PIAS1: variants seen among roughly 807,000 people sequenced by gnomAD.
The protein encoded by PIAS1 is E3 SUMO-protein ligase PIAS1.
PIAS1 carries 6 observed loss-of-function variants against 71.3 expected under a neutral mutation model. The observed-to-expected ratio is 0.08, with a 90% CI of 0.05 to 0.17. The LOEUF is 0.17. Ranked by LOEUF, PIAS1 falls within the 10% of genes least tolerant of loss-of-function variation. PIAS1 has a pLI of 1.00. For synonymous variants in PIAS1, 303 were observed against 292.9 expected, an observed-to-expected ratio of 1.03 and a Z score of -0.35; for missense variants, 555 against 793.6, an observed-to-expected ratio of 0.70 and a Z score of 3.61.
intron 7 of PIAS1, among the ~76,000 whole-genome samples, chr15:68,157,827 C>T (rs1254053909): frequency 6.6e-6 from 1 of 152,138 alleles, no homozygotes; most frequent in Non-Finnish European, 1.5e-5. Context: ...TAGCTAACTA[C>T]CTTCACCTAA....
intron 2 of PIAS1, among the ~76,000 whole-genome samples, chr15:68,120,545 G>A (rs1024937796): frequency 3.9e-5 from 6 of 151,920 alleles, no homozygotes; most frequent in Non-Finnish European, 7.4e-5. Context: ...TCTTTAATTC[G>A]TCACGACCCT....
intron 2 of PIAS1, among the ~76,000 whole-genome samples, chr15:68,101,058 C>T (rs1358090228): frequency 6.6e-6 from 1 of 152,002 alleles, no homozygotes; most frequent in Non-Finnish European, 1.5e-5. Context: ...GCCACCACAC[C>T]TGGCTAATTC....
Position 68,175,769 on chromosome 15 carries a change from T to C in PIAS1, c.1300+2T>C. On this transcript the variant is annotated splice_donor_variant, in intron 10 of 13. Coordinates refer to ENST00000249636, the MANE Select transcript of PIAS1 (RefSeq NM_016166.3). LOFTEE classifies it high-confidence loss of function. ...CTGCCTCTTACAATGGAGTCGATGG[T>C]GAGTAGTTCTTCACAAGGAAGAGGC... 1 of 1,597,282 alleles carries C rather than the reference T, an allele frequency of 6.3e-7. No individual in the cohort carries two copies. The highest frequency in any genetic ancestry group is 1.1e-5 in the South Asian group (1 of 88,268).
At chr15:68,177,118 A>G (rs1224964862) in intron 11 of PIAS1, among the ~76,000 whole-genome samples, 1 of 151,852 alleles carries the variant, frequency 6.6e-6, no homozygotes, top group South Asian at 2.1e-4. Flanking sequence ...CATCTCTACT[A>G]AAATACAAAA....
chr15:68,123,345 C>T (rs778533057), intron 2 of PIAS1, among the ~76,000 whole-genome samples: 1 of 152,196 alleles, frequency 6.6e-6, no homozygotes, highest in Non-Finnish European at 1.5e-5. Context: ...AGCCACCACA[C>T]CTGTCCCAAA....
intron 8 of PIAS1, among the ~76,000 whole-genome samples, chr15:68,168,147 T>C (rs2092968544): frequency 6.6e-6 from 1 of 152,034 alleles, no homozygotes; most frequent in East Asian, 1.9e-4. Context: ...TAGCTGGTAT[T>C]ACAGGCGCCT....
intron 1 of PIAS1, chr15:68,055,829 A>T: frequency 1.5e-6 from 1 of 675,990 alleles, no homozygotes; most frequent in East Asian, 2.7e-5. Flanking sequence ...GATTCTGTAG[A>T]GTTTTTCCTG....
chr15:68,113,635 A>G (rs2092540628), intron 2 of PIAS1, among the ~76,000 whole-genome samples: 1 of 152,128 alleles, frequency 6.6e-6, no homozygotes. Flanking sequence ...GAGACCAGCT[A>G]CTAACTCAGT....
At chr15:68,071,689 G>A (rs568213064) in intron 1 of PIAS1, among the ~76,000 whole-genome samples, 12 of 151,096 alleles carry the variant, frequency 7.9e-5, no homozygotes, top group African/African-American at 2.9e-4. Flanking sequence ...TGGTGGCCAG[G>A]CACAGTGGCT....
intron 1 of PIAS1, among the ~76,000 whole-genome samples, chr15:68,059,714 A>C (rs949088883): frequency 6.6e-6 from 1 of 150,926 alleles, no homozygotes; most frequent in Non-Finnish European, 1.5e-5. Context: ...TCAAACAAAA[A>C]AAAAAAAAAA....
chr15:68,132,686 T>C (rs1172512317), intron 2 of PIAS1, among the ~76,000 whole-genome samples: 1 of 152,168 alleles, frequency 6.6e-6, no homozygotes, highest in East Asian at 1.9e-4. Flanking sequence ...AGGAATTGGC[T>C]ATAAAACTAG....
At chr15:68,169,856 T>C (rs1412060578) in intron 8 of PIAS1, among the ~76,000 whole-genome samples, 1 of 152,226 alleles carries the variant, frequency 6.6e-6, no homozygotes, top group Non-Finnish European at 1.5e-5. Context: ...AATCATATTG[T>C]GTAGATCCCA....
chr15:68,145,763 C>A, intron 4 of PIAS1, 53 bp from the exon 5 acceptor site: 1 of 982,610 alleles, frequency 1.0e-6, no homozygotes, highest in Admixed American at 1.8e-5. Flanking sequence ...AACAATAATA[C>A]TAATGAAGTC....
intron 2 of PIAS1, among the ~76,000 whole-genome samples, chr15:68,135,464 C>CCCT (rs2092723441): frequency 4.5e-5 from 1 of 22,002 alleles, no homozygotes. Context: ...GCCCCCCACC[C>CCCT]CCCGGACGGG....
intron 2 of PIAS1, among the ~76,000 whole-genome samples, chr15:68,109,335 A>G (rs1349086125): frequency 2.6e-5 from 4 of 152,194 alleles, no homozygotes; most frequent in Non-Finnish European, 5.9e-5. Flanking sequence ...CATCTGACAT[A>G]CTTTACTATG....
intron 2 of PIAS1, among the ~76,000 whole-genome samples, chr15:68,135,316 T>C (rs866153364): frequency 2.5e-4 from 5 of 20,002 alleles, no homozygotes; most frequent in Non-Finnish European, 3.8e-4. Flanking sequence ...TAGGGGCGGC[T>C]GGGCAGAGGC....
intron 4 of PIAS1, among the ~76,000 whole-genome samples, chr15:68,145,303 T>C (rs2092800604): frequency 1.3e-5 from 2 of 152,160 alleles, no homozygotes; most frequent in Non-Finnish European, 2.9e-5. Context: ...TTAAAAGCAT[T>C]CTCAGTATTT....
At chr15:68,096,567 C>CT (rs996609707) in intron 2 of PIAS1, among the ~76,000 whole-genome samples, 9 of 151,392 alleles carry the variant, frequency 5.9e-5, no homozygotes, top group Middle Eastern at 3.4e-3. Context: ...GAGCATTATC[C>CT]TTTTTTTTAT....
chr15:68,140,430 T>C (rs1310257828), intron 2 of PIAS1, among the ~76,000 whole-genome samples: 1 of 152,190 alleles, frequency 6.6e-6, no homozygotes, highest in African/African-American at 2.4e-5. Flanking sequence ...CAGAGGGAAA[T>C]GTTAGCTGGT....
Sources: allele counts gnomAD v4.1 joint callset (sites outside exome capture counted in the v4.1 genomes callset), GRCh38; gene constraint gnomAD v4.1.1; transcripts MANE v1.5; gene names NCBI Gene and HGNC (gene_info 2026-07-23, HGNC 2026-07-21).